INSR: variants seen among roughly 807,000 people sequenced by gnomAD.
INSR encodes the protein insulin receptor.
Under a neutral mutation model 142.6 loss-of-function variants are expected in INSR, and 67 were observed. That is an observed-to-expected ratio of 0.47 (90% CI 0.39 to 0.58). INSR has a LOEUF of 0.58. Ranked by LOEUF, INSR falls within the 20% of genes least tolerant of loss-of-function variation. INSR has a pLI of 0.00. For missense variants in INSR, 1,248 were observed against 1,833.2 expected, an observed-to-expected ratio of 0.68 and a Z score of 5.83; for synonymous variants, 756 against 743.1, an observed-to-expected ratio of 1.02 and a Z score of -0.28.
At chr19:7,255,007 C>T (rs1161092851) in intron 2 of INSR, among the ~76,000 whole-genome samples, 3 of 146,728 alleles carry the variant, frequency 2.0e-5, no homozygotes, top group Non-Finnish European at 4.5e-5. Context: ...CCCTCAGCCT[C>T]CCCCGGCCCC....
chr19:7,180,069 G>A (rs779603786), intron 3 of INSR, among the ~76,000 whole-genome samples: 4 of 152,182 alleles, frequency 2.6e-5, no homozygotes, highest in African/African-American at 4.8e-5. Context: ...ACCATCAGCC[G>A]TAGCTAAACA....
At chr19:7,287,309 G>A (rs1485642052) in intron 1 of INSR, among the ~76,000 whole-genome samples, 6 of 151,858 alleles carry the variant, frequency 4.0e-5, no homozygotes, top group East Asian at 3.9e-4. Flanking sequence ...ACAGGCATGC[G>A]CCACCACGCC....
At chr19:7,246,080 C>T (rs554057032) in intron 2 of INSR, among the ~76,000 whole-genome samples, 15 of 152,212 alleles carry the variant, frequency 9.9e-5, no homozygotes, top group Non-Finnish European at 2.1e-4. Flanking sequence ...TGTTATTGTA[C>T]TCATGAACCT....
intron 1 of INSR, among the ~76,000 whole-genome samples, chr19:7,287,706 C>T (rs1968379183): frequency 6.6e-6 from 1 of 152,156 alleles, no homozygotes; most frequent in African/African-American, 2.4e-5. Context: ...TTTAACATCT[C>T]TTGCGGTGTA....
chr19:7,187,017 C>T (rs1489011298), intron 2 of INSR, among the ~76,000 whole-genome samples: 1 of 151,012 alleles, frequency 6.6e-6, no homozygotes, highest in East Asian at 2.0e-4. Context: ...ATTTTACTTT[C>T]TGTCTCTGTG....
Position 7,222,130 on chromosome 19 carries a change from A to AC in INSR, c.653-37494_653-37493insG, listed in dbSNP as rs1443480498. Among the ~76,000 whole-genome samples, 19 of 138,210 alleles carry AC rather than the reference A, an allele frequency of 1.4e-4. No homozygotes were observed. The East Asian group carries it at 4.9e-3, about 36-fold the overall frequency. The allele number at this position is 138,210 out of a possible 152,430, so 90.7% of individuals were successfully genotyped here. A position where few individuals can be genotyped will look rare whatever the true frequency, so the allele number is the denominator to read the frequency against. ...CACTCTGAGCCTATGTCCTCGGTAA[A>AC]AAAAAAAAAAAAAAAAATCAGGAGT... is the stretch of plus-strand genomic sequence containing the variant. On this transcript the variant is annotated intron_variant, in intron 2 of 21. Transcript: ENST00000302850.
At chr19:7,219,907 T>C (rs2145095887) in intron 2 of INSR, among the ~76,000 whole-genome samples, 1 of 71,684 alleles carries the variant, frequency 1.4e-5, no homozygotes, top group South Asian at 6.3e-4. Flanking sequence ...GCAAGGAAGA[T>C]TTAGCAAGGA....
chr19:7,236,035 G>A (rs1976149831), intron 2 of INSR, among the ~76,000 whole-genome samples: 1 of 147,716 alleles, frequency 6.8e-6, no homozygotes, highest in Admixed American at 6.9e-5. Context: ...GTGCAGTGGT[G>A]CGATCTCAGC....
chr19:7,153,377 CAT>C (rs1279088598), intron 9 of INSR, among the ~76,000 whole-genome samples: 30 of 48,554 alleles, frequency 6.2e-4, no homozygotes, highest in South Asian at 1.4e-3. Flanking sequence ...CCACACACAC[CAT>C]ACACGCACCA....
chr19:7,122,491 A>G (rs955995244), intron 19 of INSR, 123 bp downstream of exon 19: 53 of 1,031,474 alleles, frequency 5.1e-5, no homozygotes, highest in Middle Eastern at 2.6e-4. Context: ...CCACAAAAAA[A>G]AAAGAAGTAT....
In INSR at chr19:7,119,638, ACG is replaced by A. The variant is rs150182633; in HGVS notation, c.3660-57_3660-56del. ...AGAAGCCATTTAGACACACACACAC[ACG>A]CGCGCGCGCAAACACACACACGCAA... On this transcript the variant is annotated intron_variant, in intron 20 of 21. Transcript: ENST00000302850. This position sits in a 1 kb window ranked among gnomAD's most constrained non-coding sequence, Gnocchi z 5.2. 1.9e-4 allele frequency: 293 copies of A among 1,566,780 alleles called. No homozygotes were observed. In the African/African-American group the frequency reaches 2.0e-3, roughly 11 times the overall value.
intron 13 of INSR, among the ~76,000 whole-genome samples, chr19:7,133,027 C>T (rs1381793661): frequency 1.3e-5 from 2 of 151,978 alleles, no homozygotes; most frequent in South Asian, 2.1e-4. Flanking sequence ...TATGGGAGGC[C>T]GTGAAGGGAG....
chr19:7,176,323 G>A (rs1350671048), intron 3 of INSR, among the ~76,000 whole-genome samples: 2 of 152,192 alleles, frequency 1.3e-5, no homozygotes, highest in South Asian at 2.1e-4. Flanking sequence ...AGCACCAGCC[G>A]GGCATGGTGG....
At chr19:7,140,758 T>A (rs4804073) in intron 13 of INSR, among the ~76,000 whole-genome samples, 2,522 of 151,294 alleles carry the variant, frequency 0.017, 42 homozygotes, top group African/African-American at 0.04. Flanking sequence ...AAAAATAAAA[T>A]TAGAATTAAC....
intron 2 of INSR, among the ~76,000 whole-genome samples, chr19:7,248,268 C>G (rs1976595548): frequency 6.6e-6 from 1 of 150,774 alleles, no homozygotes; most frequent in African/African-American, 2.4e-5. Flanking sequence ...ACCTCAGTCC[C>G]CCAGGTAGCT....
At position 7,174,657 on chromosome 19, in the gene INSR, G is replaced by A. The variant is rs1974095413; in HGVS notation, c.1049C>T (p.Ser350Leu). 33 of 1,613,954 alleles carry A rather than the reference G, an allele frequency of 2.0e-5. No individual in the cohort carries two copies. Among genetic ancestry groups the A allele is most frequent in the Non-Finnish European group, 2.8e-5 (33 of 1,179,964 alleles). ...TCGGAGCTCCTGGGCAGACGTCACCGAGTCGATGGTCTTCTCGCCTTCTAG... is the reference window on the plus strand; with the variant it reads ...TCGGAGCTCCTGGGCAGACGTCACCAAGTCGATGGTCTTCTCGCCTTCTAG... ...HLLEGEKTIDSVTSAQELRGC... is the reference protein window; with the variant it reads ...HLLEGEKTIDLVTSAQELRGC... The change falls in exon 4 of 22, where the codon TCG becomes TTG. Residue 350 changes from serine to leucine, a missense_variant. Ser to Leu is a moderately radical substitution (Grantham distance 145, BLOSUM62 -2). This residue lies in a region of INSR where 1,069 missense variants were observed against 1,654.0 expected (regional missense o/e 0.65). Transcript: ENST00000302850.
At chr19:7,202,185 A>G (rs1974978479) in intron 2 of INSR, among the ~76,000 whole-genome samples, 1 of 152,130 alleles carries the variant, frequency 6.6e-6, no homozygotes, top group Non-Finnish European at 1.5e-5. Context: ...TTTTAATTTA[A>G]TTTTCACGTG....
chr19:7,257,838 A>G (rs1293402679), intron 2 of INSR, among the ~76,000 whole-genome samples: 1 of 152,112 alleles, frequency 6.6e-6, no homozygotes, highest in Non-Finnish European at 1.5e-5. Flanking sequence ...TCCAGCTCAT[A>G]TATAGACAGA....
chr19:7,270,651 GGGAGGCTGAGACA>G, intron 1 of INSR, among the ~76,000 whole-genome samples: 1 of 152,188 alleles, frequency 6.6e-6, no homozygotes, highest in Admixed American at 6.6e-5. Context: ...CCAGCTACTT[GGGAGGCTGAGACA>G]GGAGGATCAC....
Sources: allele counts gnomAD v4.1 joint callset (sites outside exome capture counted in the v4.1 genomes callset), GRCh38; gene constraint gnomAD v4.1.1; regional missense constraint gnomAD v4.1.1; non-coding constraint Gnocchi (gnomAD v3.1); transcripts MANE v1.5; gene names NCBI Gene and HGNC (gene_info 2026-07-23, HGNC 2026-07-21).